The following AMPH variants were observed in gnomAD, a reference collection of about 807,000 sequenced individuals.
AMPH encodes the protein amphiphysin.
In AMPH, 49 loss-of-function variants were observed where a neutral mutation model predicts 99.1. The ratio of observed to expected loss-of-function variants is 0.49; its 90% confidence interval spans 0.39 to 0.63. The LOEUF (loss-of-function observed/expected upper bound fraction) is 0.63. AMPH is among the 20% of genes least tolerant of loss of function. The pLI is 0.00. For missense variants in AMPH, 759 were observed against 863.4 expected, an observed-to-expected ratio of 0.88 and a Z score of 1.52; for synonymous variants, 314 against 317.3, an observed-to-expected ratio of 0.99 and a Z score of 0.11.
chr7:38,539,077 C>T (rs537942014), intron 1 of AMPH, among the ~76,000 whole-genome samples: 34 of 152,242 alleles, frequency 2.2e-4, no homozygotes, highest in Non-Finnish European at 4.4e-4. Context: ...ATTTGAAGAA[C>T]GGGCAGAGGA....
At chr7:38,427,030 T>A in intron 14 of AMPH, 44 bp from the exon 15 acceptor site, 1 of 1,572,410 alleles carries the variant, frequency 6.4e-7, no homozygotes, top group Non-Finnish European at 8.7e-7. Flanking sequence ...TTTTTCATTA[T>A]CATTTTGTAG....
At chr7:38,570,686 G>C (rs1437877411) in intron 1 of AMPH, among the ~76,000 whole-genome samples, 1 of 145,258 alleles carries the variant, frequency 6.9e-6, no homozygotes. Flanking sequence ...CTTATCATTA[G>C]GGTGAATTCC....
At chr7:38,523,792 C>A (rs1165287081) in intron 2 of AMPH, among the ~76,000 whole-genome samples, 1 of 152,102 alleles carries the variant, frequency 6.6e-6, no homozygotes, top group Non-Finnish European at 1.5e-5. Flanking sequence ...TAGCAAGCAT[C>A]AGAGTAACAG....
chr7:38,394,241 G>A (rs374462323), intron 17 of AMPH, 27 bp from the exon 18 acceptor site: 111 of 1,611,262 alleles, frequency 6.9e-5, no homozygotes, highest in Non-Finnish European at 8.8e-5. Context: ...AGCAGGCCAC[G>A]TCTGCATCTC....
intron 12 of AMPH, among the ~76,000 whole-genome samples, chr7:38,433,724 C>CAGAAAAAAA (rs1792136082): frequency 1.9e-5 from 1 of 53,192 alleles, no homozygotes; most frequent in Non-Finnish European, 3.1e-5. Context: ...GACTCCGTCT[C>CAGAAAAAAA]AAAAAAAAAA....
intron 2 of AMPH, among the ~76,000 whole-genome samples, chr7:38,504,800 G>C (rs1227249749): frequency 6.6e-6 from 1 of 152,182 alleles, no homozygotes; most frequent in Non-Finnish European, 1.5e-5. Flanking sequence ...TCAGAAAAAG[G>C]TACTAGGGGC....
At chr7:38,439,422 C>T (rs969585181) in intron 11 of AMPH, among the ~76,000 whole-genome samples, 8 of 152,160 alleles carry the variant, frequency 5.3e-5, no homozygotes, top group Non-Finnish European at 1.2e-4. Flanking sequence ...CCTTAAGGTA[C>T]TCATGTCAAA....
chr7:38,624,190 A>C (rs1490583949), intron 1 of AMPH, among the ~76,000 whole-genome samples: 1 of 152,188 alleles, frequency 6.6e-6, no homozygotes, highest in Admixed American at 6.5e-5. Context: ...CACTGAGTAC[A>C]TACAATTCGC....
At chr7:38,486,250 G>A (rs1457295526) in intron 5 of AMPH, among the ~76,000 whole-genome samples, 3 of 148,210 alleles carry the variant, frequency 2.0e-5, no homozygotes, top group African/African-American at 7.5e-5. Flanking sequence ...AGAAATGAAA[G>A]GTGATATATT....
intron 17 of AMPH, among the ~76,000 whole-genome samples, chr7:38,416,401 G>A (rs2128986614): frequency 6.6e-6 from 1 of 152,120 alleles, no homozygotes; most frequent in South Asian, 2.1e-4. Flanking sequence ...ATGGCATTAA[G>A]CCTTACACTG....
intron 2 of AMPH, among the ~76,000 whole-genome samples, chr7:38,529,957 C>T (rs1013642815): frequency 6.6e-6 from 1 of 152,220 alleles, no homozygotes; most frequent in African/African-American, 2.4e-5. Flanking sequence ...TTTCTTAAAA[C>T]TTCTAAAATT....
At chr7:38,568,997 T>C (rs978430311) in intron 1 of AMPH, among the ~76,000 whole-genome samples, 1 of 152,176 alleles carries the variant, frequency 6.6e-6, no homozygotes, top group African/African-American at 2.4e-5. Context: ...AGGTAACATC[T>C]GGGTCAGAAT....
At chr7:38,506,072 C>A (rs1471589555) in intron 2 of AMPH, among the ~76,000 whole-genome samples, 2 of 152,178 alleles carry the variant, frequency 1.3e-5, no homozygotes, top group East Asian at 3.9e-4. Context: ...TCTTTCCTCT[C>A]CCCATACAGA....
intron 1 of AMPH, among the ~76,000 whole-genome samples, chr7:38,569,055 G>A (rs375310030): frequency 1.0e-3 from 158 of 152,252 alleles, no homozygotes; most frequent in African/African-American, 3.7e-3. Flanking sequence ...ATGCTGTTCA[G>A]CTGTAACTAT....
At position 38,392,019 on chromosome 7, in the gene AMPH, T is replaced by C; in HGVS notation, c.1609-2A>G. 1 of 1,603,674 alleles carries C rather than the reference T, an allele frequency of 6.2e-7. No homozygotes were observed. The highest frequency in any genetic ancestry group is 8.5e-7 in the Non-Finnish European group (1 of 1,179,792). ...GACCACCGAAGGAATGACCTTCTCC[T>C]GGGGGAAGAAAAACCGTGGCGATGC... On this transcript the variant is annotated splice_acceptor_variant, in intron 18 of 20. Coordinates refer to ENST00000356264, the MANE Select transcript of AMPH (RefSeq NM_001635.4). LOFTEE classifies it high-confidence loss of function.
rs558188623 is a variant in AMPH, at chr7:38,545,557, T to C, written c.70-10546A>G. 2.6e-5 allele frequency among the ~76,000 whole-genome samples: 4 copies of C among 152,322 alleles called. No individual in the cohort carries two copies. In the East Asian group the frequency reaches 5.8e-4, roughly 22 times the overall value. On this transcript the variant is annotated intron_variant, in intron 1 of 20. Coordinates refer to ENST00000356264, the MANE Select transcript of AMPH (RefSeq NM_001635.4). ...ACATCAGGAGGGCCACCCATCCTCT[T>C]TGAGCAAACTTTCTTCCTGTTTTTA...
chr7:38,470,922 G>GT (rs910135601), intron 7 of AMPH, among the ~76,000 whole-genome samples: 53 of 151,938 alleles, frequency 3.5e-4, no homozygotes, highest in Non-Finnish European at 5.2e-4. Context: ...CTAAATTATC[G>GT]TTTTTTAAAA....
In AMPH at chr7:38,617,867, G is replaced by A. The variant is rs535212495; in HGVS notation, c.69+13416C>T. On this transcript the variant is annotated intron_variant, in intron 1 of 20. Transcript: ENST00000356264. ...TGGAATGGAAAAAAAAACTGGAATT[G>A]TAAAACTACTAAGGGGAGTATGAAA... Among the ~76,000 whole-genome samples the A allele has an allele frequency of 7.9e-5, 12 of 151,920 alleles. No homozygotes were observed. In the South Asian group the frequency reaches 2.5e-3, roughly 32 times the overall value.
At chr7:38,466,025 G>T (rs538454215) in intron 8 of AMPH, 148 bp downstream of exon 8, 1 of 633,326 alleles carries the variant, frequency 1.6e-6, no homozygotes, top group South Asian at 2.1e-5. Flanking sequence ...AAAAACCGTA[G>T]AAATGTTATC....
Sources: gnomAD v4.1 joint callset for allele counts (sites outside exome capture counted in the v4.1 genomes callset) on GRCh38, gnomAD v4.1.1 for gene constraint, MANE v1.5 for transcripts, NCBI Gene and HGNC (gene_info 2026-07-23, HGNC 2026-07-21) for gene names.